Variants in ACTR3C observed in about 807,000 individuals in gnomAD.
ACTR3C encodes actin-related protein 3C.
ACTR3C carries 18 observed loss-of-function variants against 26.3 expected under a neutral mutation model. That is an observed-to-expected ratio of 0.68 (90% CI 0.47 to 1.01). ACTR3C has a LOEUF of 1.01. Ranked by LOEUF, ACTR3C falls within the 50% of genes least tolerant of loss-of-function variation. The pLI is 0.00. For synonymous variants in ACTR3C, 55 were observed against 94.5 expected (o/e 0.58, Z 2.42); for missense variants, 184 against 250.7 (o/e 0.73, Z 1.80).
chr7:150,090,988 A>T, the ACTR3C span, among the ~76,000 whole-genome samples: 1 of 152,056 alleles, frequency 6.6e-6, no homozygotes, highest in Non-Finnish European at 1.5e-5. Context: ...AAAGGGCACC[A>T]TCCTTTCCCT....
At chr7:150,267,270 G>A (rs995845864) in intron 6 of ACTR3C, among the ~76,000 whole-genome samples, 1 of 152,260 alleles carries the variant, frequency 6.6e-6, no homozygotes, top group African/African-American at 2.4e-5. Context: ...GCTCCACGGT[G>A]TCAGTTACCC....
the ACTR3C span, among the ~76,000 whole-genome samples, chr7:149,932,369 T>C: frequency 9.2e-5 from 14 of 152,104 alleles, no homozygotes; most frequent in African/African-American, 3.4e-4. Context: ...GGATTTCTAT[T>C]TTGGATGATG....
intron 1 of ACTR3C, among the ~76,000 whole-genome samples, chr7:150,298,820 A>C (rs369563159): frequency 1.3e-5 from 2 of 150,120 alleles, no homozygotes; most frequent in Admixed American, 1.3e-4. Context: ...AAACAACCTA[A>C]ATACCCATCA....
chr7:150,139,263 A>C, the ACTR3C span, among the ~76,000 whole-genome samples: 7 of 152,378 alleles, frequency 4.6e-5, no homozygotes, highest in Middle Eastern at 3.4e-3. Flanking sequence ...AGCTCTTTGA[A>C]AAGAGCGTGC....
At chr7:150,052,807 T>C in the ACTR3C span, among the ~76,000 whole-genome samples, 1 of 110,726 alleles carries the variant, frequency 9.0e-6, no homozygotes, top group Admixed American at 1.0e-4. Flanking sequence ...TCCTCTAGGA[T>C]TCTCCCCTAG....
chr7:150,276,880 C>T (rs766617129), intron 6 of ACTR3C, among the ~76,000 whole-genome samples: 11 of 152,146 alleles, frequency 7.2e-5, no homozygotes, highest in African/African-American at 2.7e-4. Flanking sequence ...TCTTGACTTC[C>T]GTGACAGTTA....
chr7:150,049,280 A>G, the ACTR3C span, among the ~76,000 whole-genome samples: 19 of 151,708 alleles, frequency 1.3e-4, no homozygotes, highest in Non-Finnish European at 2.1e-4. Context: ...GTTGCTGGGC[A>G]CGCGTCTCTC....
chr7:149,956,728 T>C, the ACTR3C span, among the ~76,000 whole-genome samples: 2 of 151,552 alleles, frequency 1.3e-5, no homozygotes, highest in Non-Finnish European at 2.9e-5. Flanking sequence ...AGGCTTGGAT[T>C]TGGAGTGAGC....
chr7:150,168,081 G>C, the ACTR3C span, among the ~76,000 whole-genome samples: 1 of 150,678 alleles, frequency 6.6e-6, no homozygotes, highest in Non-Finnish European at 1.5e-5. Context: ...CATTCATACC[G>C]TTGGCAGCTA....
chr7:150,152,609 T>C, the ACTR3C span, among the ~76,000 whole-genome samples: 63 of 152,296 alleles, frequency 4.1e-4, no homozygotes, highest in African/African-American at 1.4e-3. Flanking sequence ...TCCTTTTTGG[T>C]TGTGTCTCTG....
At chr7:150,135,767 G>GAGAA in the ACTR3C span, among the ~76,000 whole-genome samples, 25,047 of 142,572 alleles carry the variant, frequency 0.18, 3,615 homozygotes, top group African/African-American at 0.41. Context: ...TGAACTCTGA[G>GAGAA]AGAAAGAAAG....
intron 1 of ACTR3C, among the ~76,000 whole-genome samples, chr7:150,309,283 C>CT (rs370217223): frequency 2.0e-5 from 3 of 152,208 alleles, no homozygotes; most frequent in African/African-American, 7.2e-5. Flanking sequence ...TCTTGGCCCG[C>CT]TTGGTGGCTA....
chr7:149,964,000 A>G, the ACTR3C span, among the ~76,000 whole-genome samples: 1 of 152,158 alleles, frequency 6.6e-6, no homozygotes, highest in Non-Finnish European at 1.5e-5. Flanking sequence ...TTTAAGGCAA[A>G]GTAGGATAGC....
At position 150,299,488 on chromosome 7, in the gene ACTR3C, A is replaced by C. The variant is rs529614233; in HGVS notation, c.-51-4141T>G. On this transcript the variant is annotated intron_variant, in intron 1 of 7. Transcript: ENST00000683684. ...TCAAAAAAAAAAAAAAAAAAAAAAAAAAAAAACAAAAAACAGGCTGGGTGG... is the reference window on the plus strand; with the variant it reads ...TCAAAAAAAAAAAAAAAAAAAAAAACAAAAAACAAAAAACAGGCTGGGTGG... Among the ~76,000 whole-genome samples, 174 of 144,246 alleles carry C rather than the reference A, an allele frequency of 1.2e-3. 1 individual carries two copies. In the East Asian group the frequency reaches 0.018, roughly 15 times the overall value. 94.6% of individuals were successfully genotyped at this position (144,246 alleles called of 152,430 possible).
intron 7 of ACTR3C, chr7:150,248,729 T>C (rs1832628771): frequency 3.0e-5 from 10 of 337,792 alleles, no homozygotes; most frequent in Non-Finnish European, 4.7e-5. Flanking sequence ...AAACCACTTA[T>C]CATAGCAAGA....
chr7:150,245,709 C>T (rs566651225), downstream of ACTR3C: 5 of 152,260 alleles, frequency 3.3e-5, no homozygotes, highest in Admixed American at 2.6e-4. Context: ...CTTAATAATG[C>T]CACTTTTTGT....
chr7:150,006,893 C>A, the ACTR3C span, among the ~76,000 whole-genome samples: 1 of 152,188 alleles, frequency 6.6e-6, no homozygotes, highest in South Asian at 2.1e-4. Flanking sequence ...ATAGGCATAT[C>A]CACATATTAA....
the ACTR3C span, among the ~76,000 whole-genome samples, chr7:149,957,230 G>A: frequency 6.6e-6 from 1 of 152,044 alleles, no homozygotes; most frequent in Non-Finnish European, 1.5e-5. Flanking sequence ...GAGGGACCAA[G>A]AAGTCATTCA....
At chr7:149,957,005 A>C in the ACTR3C span, among the ~76,000 whole-genome samples, 1 of 152,182 alleles carries the variant, frequency 6.6e-6, no homozygotes. Flanking sequence ...TCTGTCTCTC[A>C]TACAGACTGG....
Sources: gnomAD v4.1 joint callset for allele counts (sites outside exome capture counted in the v4.1 genomes callset) on GRCh38, gnomAD v4.1.1 for gene constraint, MANE v1.5 for transcripts, NCBI Gene and HGNC (gene_info 2026-07-23, HGNC 2026-07-21) for gene names.